The following SIRT6 variants were observed in gnomAD, a reference collection of about 807,000 sequenced individuals.
SIRT6 encodes the protein NAD-dependent protein deacylase sirtuin-6.
Under a neutral mutation model 33.6 loss-of-function variants are expected in SIRT6, and 21 were observed. The observed-to-expected ratio is 0.62, with a 90% CI of 0.44 to 0.90. The LOEUF is 0.90. Among genes scored for constraint, SIRT6 ranks in the 40% least tolerant of loss-of-function variants. The pLI is 0.00. For synonymous variants in SIRT6, 221 were observed against 223.9 expected (o/e 0.99, Z 0.12); for missense variants, 504 against 510.6 (o/e 0.99, Z 0.12).
In SIRT6 at chr19:4,175,935, T is replaced by A; in HGVS notation, c.440A>T (p.Gln147Leu). The A allele has an allele frequency of 6.4e-7, 1 of 1,564,170 alleles. No homozygotes were observed. Among genetic ancestry groups the A allele is most frequent in the South Asian group, 1.2e-5 (1 of 85,002 alleles). The change falls in exon 5 of 8, where the codon CAG (glutamine) becomes CTG (leucine). Residue 147 changes from glutamine (Q) to leucine (L), a missense_variant and splice_region_variant. Physicochemically the swap from Gln to Leu is moderately radical, Grantham distance 113. Transcript: ENST00000337491. Reference sequence around the variant, plus strand: ...GCCCACGACTGTGTCTCGGACGTACTGCCTGTGTCAGGGAGGAAGGGGGAG... The same window carrying A: ...GCCCACGACTGTGTCTCGGACGTACAGCCTGTGTCAGGGAGGAAGGGGGAG... ...FVEECAKCKTQYVRDTVVGTM... is the reference protein window; with the variant it reads ...FVEECAKCKTLYVRDTVVGTM...
intron 1 of SIRT6, among the ~76,000 whole-genome samples, chr19:4,181,612 C>T (rs1029104644): frequency 1.1e-4 from 16 of 152,126 alleles, no homozygotes; most frequent in Non-Finnish European, 1.9e-4. Flanking sequence ...CATGGTGAAA[C>T]CCCGCCTCTA....
intron 1 of SIRT6, 86 bp downstream of exon 1, chr19:4,182,388 A>G: frequency 2.2e-6 from 3 of 1,361,720 alleles, no homozygotes; most frequent in Non-Finnish European, 2.0e-6. Flanking sequence ...GTGCCCCCTG[A>G]TATTCCCACA....
rs202071035 is a variant in SIRT6, at chr19:4,175,697, G to A, written c.597C>T (p.Leu199=). The change falls in exon 6 of 8, where the codon CTC becomes CTT. Residue 199 remains leucine (L), a synonymous_variant. Coordinates refer to ENST00000337491, the MANE Select transcript of SIRT6 (RefSeq NM_016539.4). ...GGTCAGACCTGCTGGCCTCATCGGC[G>A]AGTGCCAGGTCCCGGTCGGGCAGGG... ...EDSLPDRDLA[L]ADEASRNADL... The A allele has an allele frequency of 9.1e-5, 144 of 1,575,046 alleles. No individual in the cohort carries two copies. The highest frequency in any genetic ancestry group is 5.5e-4 in the Middle Eastern group (3 of 5,446).
At chr19:4,182,013 C>A (rs1357169998) in intron 1 of SIRT6, among the ~76,000 whole-genome samples, 1 of 152,006 alleles carries the variant, frequency 6.6e-6, no homozygotes. Flanking sequence ...AGGGGGCAGC[C>A]GATCCCTCCA....
At position 4,177,823 on chromosome 19, in the gene SIRT6, C is replaced by T. The variant is rs1599363700; in HGVS notation, c.378-685G>A. 2.6e-5 allele frequency among the ~76,000 whole-genome samples: 4 copies of T among 152,152 alleles called. No homozygotes were observed. In the South Asian group the frequency reaches 8.3e-4, roughly 31 times the overall value. On this transcript the variant is annotated intron_variant, in intron 3 of 7. Transcript: ENST00000337491. ...GCCAGGATGGTCTCGATCTCCTGAG[C>T]TTGTGATCCACCCGCCTCGGCCTCC...
chr19:4,175,672 G>A lies in SIRT6; in HGVS notation c.614+8C>T. The A allele has an allele frequency of 6.6e-7, 1 of 1,521,342 alleles. No individual in the cohort carries two copies. Among genetic ancestry groups the A allele is most frequent in the Non-Finnish European group, 8.8e-7 (1 of 1,133,762 alleles). 94.2% of individuals were successfully genotyped at this position (1,521,342 alleles called of 1,614,324 possible). On this transcript the variant is annotated splice_region_variant and intron_variant, in intron 6 of 7. Transcript: ENST00000337491. Reference sequence around the variant, plus strand: ...CACCATGGGCTCCCTGGGGGTGGGGGGTCAGACCTGCTGGCCTCATCGGCG... The same window carrying A: ...CACCATGGGCTCCCTGGGGGTGGGGAGTCAGACCTGCTGGCCTCATCGGCG...
intron 2 of SIRT6, 53 bp from the exon 3 acceptor site, chr19:4,179,339 G>A: frequency 6.6e-7 from 1 of 1,505,306 alleles, no homozygotes; most frequent in Non-Finnish European, 8.9e-7. Context: ...CAGAAAAAGA[G>A]ACAGAGGGAG....
chr19:4,175,224 G>T (rs1252481194), intron 6 of SIRT6, 73 bp from the exon 7 acceptor site: 1 of 1,519,014 alleles, frequency 6.6e-7, no homozygotes, highest in Non-Finnish European at 8.8e-7. Flanking sequence ...CTGGGGGCCG[G>T]TTCACACCTA....
chr19:4,175,571 C>T, intron 6 of SIRT6, 109 bp downstream of exon 6: 16 of 1,124,066 alleles, frequency 1.4e-5, no homozygotes, highest in Non-Finnish European at 2.0e-5. Flanking sequence ...AGGAAGCCTC[C>T]CCTCACTGCC....
intron 4 of SIRT6, among the ~76,000 whole-genome samples, chr19:4,176,822 T>C (rs1967328593): frequency 6.6e-6 from 1 of 152,084 alleles, no homozygotes; most frequent in South Asian, 2.1e-4. Flanking sequence ...GCTACAGCAG[T>C]GCCAGGACAC....
intron 1 of SIRT6, among the ~76,000 whole-genome samples, chr19:4,181,669 C>A (rs1302904057): frequency 6.6e-6 from 1 of 152,122 alleles, no homozygotes; most frequent in Non-Finnish European, 1.5e-5. Flanking sequence ...TGCCTGTAGT[C>A]TCATCTACTC....
chr19:4,175,510 C>G, intron 6 of SIRT6, 170 bp downstream of exon 6: 1 of 658,212 alleles, frequency 1.5e-6, no homozygotes, highest in Non-Finnish European at 2.5e-6. Flanking sequence ...CATGAGGTGA[C>G]GAGTGTGTGT....
rs556375783 is a variant in SIRT6, at chr19:4,176,095, C to T, written c.438-158G>A. Among the ~76,000 whole-genome samples, 5 of 152,260 alleles carry T rather than the reference C, an allele frequency of 3.3e-5. No homozygotes were observed. The South Asian group carries it at 6.2e-4, about 19-fold the overall frequency. The stretch of plus-strand genomic sequence containing the variant: ...GGAACGAGTAGCCTTCCATGAATAA[C>T]GGGCTGGGATGCTGCTCGGTGCCCG... On this transcript the variant is annotated intron_variant, in intron 4 of 7. Transcript: ENST00000337491.
chr19:4,179,306 A>C lies in SIRT6; in HGVS notation c.195-20T>G. 6.3e-7 allele frequency: 1 copy of C among 1,576,810 alleles called. No homozygotes were observed. Among genetic ancestry groups the C allele is most frequent in the Middle Eastern group, 1.7e-4 (1 of 5,992 alleles). ...GGACCCCTGAAGGTGGCAGGCCGGG[A>C]GAGATGGACGGGGAGAGGGGAACAG... On this transcript the variant is annotated intron_variant, in intron 2 of 7. Coordinates refer to ENST00000337491, the MANE Select transcript of SIRT6 (RefSeq NM_016539.4).
intron 6 of SIRT6, 148 bp downstream of exon 6, chr19:4,175,532 T>C: frequency 1.4e-6 from 1 of 732,528 alleles, no homozygotes. Context: ...AGTGCGTGTG[T>C]GCAGCCCCTG....
chr19:4,177,915 G>T (rs1244815064), intron 3 of SIRT6, among the ~76,000 whole-genome samples: 2 of 151,824 alleles, frequency 1.3e-5, no homozygotes, highest in East Asian at 3.9e-4. Flanking sequence ...TAGTAGAGAC[G>T]GGGTTTTACC....
intron 1 of SIRT6, 30 bp downstream of exon 1, chr19:4,182,444 G>A (rs1356547976): frequency 6.3e-7 from 1 of 1,597,130 alleles, no homozygotes; most frequent in Non-Finnish European, 8.5e-7. Context: ...GCCCTGGGGC[G>A]CGATGCTCGG....
In SIRT6 at chr19:4,180,882, G is replaced by A. The variant is rs1339589717; in HGVS notation, c.94C>T (p.Arg32Trp). Residue 32 changes from arginine (R) to tryptophan (W), a missense_variant, in exon 2 of 8, where the codon CGG becomes TGG. Arg to Trp is a moderately radical substitution (Grantham distance 101). Coordinates refer to ENST00000337491, the MANE Select transcript of SIRT6 (RefSeq NM_016539.4). Reference sequence around the variant, plus strand: ...AGCCTCGCCAGTTCCCACACCTTCCGCTCCAGCTCCTCCGGGGGGTCGAAG... The same window carrying A: ...AGCCTCGCCAGTTCCCACACCTTCCACTCCAGCTCCTCCGGGGGGTCGAAG... ...EIFDPPEELE[R>W]KVWELARLVW... 5 of 1,613,134 alleles carry A rather than the reference G, an allele frequency of 3.1e-6. No homozygotes were observed. The highest frequency in any genetic ancestry group is 1.7e-5 in the Admixed American group (1 of 59,862).
At chr19:4,178,718 G>A (rs933442150) in intron 3 of SIRT6, among the ~76,000 whole-genome samples, 14 of 152,036 alleles carry the variant, frequency 9.2e-5, no homozygotes, top group Admixed American at 2.6e-4. Context: ...GTGTGATGGC[G>A]CATGCCTGTA....
Sources: allele counts gnomAD v4.1 joint callset (sites outside exome capture counted in the v4.1 genomes callset), GRCh38; gene constraint gnomAD v4.1.1; transcripts MANE v1.5; gene names NCBI Gene and HGNC (gene_info 2026-07-23, HGNC 2026-07-21).